Variants in NEIL3 observed in about 807,000 individuals in gnomAD.
NEIL3 encodes the protein nei like DNA glycosylase 3.
A neutral mutation model predicts 57.5 loss-of-function variants in NEIL3; 48 were observed. The ratio of observed to expected loss-of-function variants is 0.83; its 90% CI spans 0.66 to 1.06. NEIL3 has a LOEUF of 1.06. NEIL3 is among the 50% of genes least tolerant of loss of function. The pLI is 0.00. For synonymous variants in NEIL3, 261 were observed against 253.2 expected (o/e 1.03, Z -0.29); for missense variants, 717 against 739.1 (o/e 0.97, Z 0.35).
chr4:177,324,906 C>A (rs1439499228), intron 2 of NEIL3, among the ~76,000 whole-genome samples: 2 of 151,872 alleles, frequency 1.3e-5, no homozygotes, highest in Non-Finnish European at 2.9e-5. Flanking sequence ...TCATTTTAAT[C>A]AAAATGGACA....
chr4:177,341,071 G>T (rs1735081349), intron 5 of NEIL3, among the ~76,000 whole-genome samples: 1 of 152,012 alleles, frequency 6.6e-6, no homozygotes, highest in African/African-American at 2.4e-5. Context: ...TGAGTGAGCA[G>T]TTTCAGTCTT....
chr4:177,326,444 T>A (rs909140500), intron 2 of NEIL3, among the ~76,000 whole-genome samples: 1 of 152,200 alleles, frequency 6.6e-6, no homozygotes, highest in Non-Finnish European at 1.5e-5. Flanking sequence ...TCACCAATAA[T>A]ACACTGTCTT....
At chr4:177,321,244 G>C (rs6830266) in intron 1 of NEIL3, among the ~76,000 whole-genome samples, 2 of 151,844 alleles carry the variant, frequency 1.3e-5, no homozygotes, top group African/African-American at 2.4e-5. Flanking sequence ...CCAAGGTTTC[G>C]TTCAGAATCT....
chr4:177,362,469 T>C lies in NEIL3; in HGVS notation c.1816T>C (p.Ter606GlnextTer3), dbSNP rs746771163. The C allele has an allele frequency of 4.4e-6, 7 of 1,607,422 alleles. No individual in the cohort carries two copies. Among genetic ancestry groups the C allele is most frequent in the South Asian group, 1.1e-5 (1 of 90,190 alleles). The change falls in exon 10 of 10, where the codon TAA becomes CAA. Residue 606 changes from the stop codon to glutamine (Q), a stop_lost. Coordinates refer to ENST00000264596, the MANE Select transcript of NEIL3 (RefSeq NM_018248.3). ...GPGIKIIPGC[*>Q] The stretch of plus-strand genomic sequence containing the variant: ...AGGAATAAAAATTATTCCTGGATGC[T>C]AATATCTGTAGATTCTCTGGCATTT...
chr4:177,365,239 C>A (rs1326582920), downstream of NEIL3, among the ~76,000 whole-genome samples: 3 of 152,086 alleles, frequency 2.0e-5, no homozygotes, highest in African/African-American at 7.2e-5. Context: ...GGCACATGTT[C>A]ATGGTCCCAG....
chr4:177,323,796 G>A (rs1242149183), intron 2 of NEIL3, among the ~76,000 whole-genome samples: 3 of 152,134 alleles, frequency 2.0e-5, no homozygotes, highest in Non-Finnish European at 4.4e-5. Flanking sequence ...ATGAGAGGGG[G>A]TTTTTATCAA....
At chr4:177,361,053 T>A (rs1038000560) in intron 9 of NEIL3, among the ~76,000 whole-genome samples, 2 of 152,206 alleles carry the variant, frequency 1.3e-5, no homozygotes, top group African/African-American at 4.8e-5. Flanking sequence ...AAACCTTTGG[T>A]TTATGCATTG....
intron 6 of NEIL3, chr4:177,343,706 C>T (rs1735147356): frequency 1.3e-5 from 2 of 151,930 alleles, no homozygotes; most frequent in Non-Finnish European, 2.9e-5. Flanking sequence ...CCCCGTGTTA[C>T]TATCATAGAC....
intron 3 of NEIL3, 80 bp from the exon 4 acceptor site, chr4:177,336,028 T>C: frequency 8.0e-7 from 1 of 1,245,740 alleles, no homozygotes; most frequent in South Asian, 1.4e-5. Flanking sequence ...AAAGTGCTTA[T>C]AGCAAAGCTC....
chr4:177,311,085 A>T (rs1295707083), intron 1 of NEIL3, among the ~76,000 whole-genome samples: 1 of 151,920 alleles, frequency 6.6e-6, no homozygotes, highest in Non-Finnish European at 1.5e-5. Context: ...TATTATTGTT[A>T]TAGTGTTTCT....
At chr4:177,323,373 A>T (rs1288263686) in intron 2 of NEIL3, among the ~76,000 whole-genome samples, 1 of 152,098 alleles carries the variant, frequency 6.6e-6, no homozygotes, top group Non-Finnish European at 1.5e-5. Context: ...TCTTAAAAGA[A>T]AAGACCTGTT....
At chr4:177,315,050 C>G (rs955913940) in intron 1 of NEIL3, among the ~76,000 whole-genome samples, 2 of 122,934 alleles carry the variant, frequency 1.6e-5, no homozygotes, top group East Asian at 2.3e-4. Flanking sequence ...GCCTGGGCAA[C>G]AGAGCGAGAC....
intron 2 of NEIL3, 43 bp downstream of exon 2, chr4:177,322,623 A>G (rs755310602): frequency 1.9e-6 from 3 of 1,612,034 alleles, no homozygotes; most frequent in African/African-American, 1.3e-5. Flanking sequence ...TCTATATTTA[A>G]AGATGCGTAG....
At chr4:177,332,354 AC>A (rs1734899665) in intron 2 of NEIL3, among the ~76,000 whole-genome samples, 1 of 152,116 alleles carries the variant, frequency 6.6e-6, no homozygotes, top group African/African-American at 2.4e-5. Context: ...AGGCCAGGGT[AC>A]CTTTGCTTGG....
intron 6 of NEIL3, among the ~76,000 whole-genome samples, chr4:177,344,205 T>C (rs1347889208): frequency 6.6e-6 from 1 of 152,166 alleles, no homozygotes; most frequent in Non-Finnish European, 1.5e-5. Context: ...AGCTTAAGAC[T>C]TTGTTTGGAA....
In NEIL3 at chr4:177,335,612, A is replaced by T. The variant is rs529677703; in HGVS notation, c.279-76A>T. 8.4e-4 allele frequency: 1,180 copies of T among 1,401,432 alleles called. 8 individuals are homozygous for T. The African/African-American group carries it at 0.016, about 19-fold the overall frequency. 86.8% of individuals were successfully genotyped at this position (1,401,432 alleles called of 1,614,324 possible). A position where few individuals can be genotyped will look rare whatever the true frequency, so the allele number is the denominator to read the frequency against. ...ATTTGTTTGCTTATAATCCAAAAAA[A>T]AAATGATAGTACAGGAAAAAAGCTT... On this transcript the variant is annotated intron_variant, in intron 2 of 9. Transcript: ENST00000264596.
intron 1 of NEIL3, among the ~76,000 whole-genome samples, chr4:177,311,398 G>A (rs1012852875): frequency 1.3e-5 from 2 of 152,078 alleles, no homozygotes; most frequent in Non-Finnish European, 2.9e-5. Flanking sequence ...GGTGTGGGCC[G>A]GGTGCAGTGG....
rs1735586184 is a variant in NEIL3, at chr4:177,360,531, C to T, written c.1489C>T (p.Pro497Ser). ...ACTTCAAATTAATATGACAGATGGCCCTCGTACCTTAAATCCTGACAGCCC... is the reference window on the plus strand; with the variant it reads ...ACTTCAAATTAATATGACAGATGGCTCTCGTACCTTAAATCCTGACAGCCC... ...SELQINMTDG[P>S]RTLNPDSPRC... Residue 497 changes from proline (P) to serine (S), a missense_variant, in exon 9 of 10, where the codon CCT (proline) becomes TCT (serine). Physicochemically the swap from Pro to Ser is moderately conservative, Grantham distance 74. Coordinates refer to ENST00000264596, the MANE Select transcript of NEIL3 (RefSeq NM_018248.3). 1.9e-6 allele frequency: 3 copies of T among 1,613,698 alleles called. No individual in the cohort carries two copies. Among genetic ancestry groups the T allele is most frequent in the African/African-American group, 2.7e-5 (2 of 74,962 alleles).
chr4:177,330,279 C>T (rs552766004), intron 2 of NEIL3, among the ~76,000 whole-genome samples: 1 of 152,250 alleles, frequency 6.6e-6, no homozygotes, highest in South Asian at 2.1e-4. Context: ...CACAAAGGAA[C>T]TTAGAACATA....
Sources: gnomAD v4.1 joint callset for allele counts (sites outside exome capture counted in the v4.1 genomes callset) on GRCh38, gnomAD v4.1.1 for gene constraint, MANE v1.5 for transcripts, NCBI Gene and HGNC (gene_info 2026-07-23, HGNC 2026-07-21) for gene names.